Variants in MGAT4D observed in about 807,000 individuals in gnomAD.
MGAT4D encodes the protein alpha-1,3-mannosyl-glycoprotein 4-beta-N-acetylglucosaminyltransferase-like protein MGAT4D.
In MGAT4D, 34 loss-of-function variants were observed where a neutral mutation model predicts 15.9. The ratio of observed to expected loss-of-function variants is 2.14; its 90% CI spans 1.62 to 2.84. MGAT4D has a LOEUF of 2.84. Ranked by LOEUF, MGAT4D falls within the 30% of genes most tolerant of loss-of-function variation. The pLI is 0.00. For missense variants in MGAT4D, 327 were observed against 140.2 expected, an observed-to-expected ratio of 2.33 and a Z score of -6.73; for synonymous variants, 112 against 48.2, an observed-to-expected ratio of 2.33 and a Z score of -5.49.
intron 8 of MGAT4D, chr4:140,458,007 T>C (rs1730918001): frequency 6.6e-6 from 1 of 152,074 alleles, no homozygotes; most frequent in Non-Finnish European, 1.5e-5. Context: ...GAATGGCAAA[T>C]ATATACATAT....
intron 9 of MGAT4D, among the ~76,000 whole-genome samples, chr4:140,455,959 A>G (rs1163576906): frequency 6.6e-6 from 1 of 152,132 alleles, no homozygotes; most frequent in Non-Finnish European, 1.5e-5. Flanking sequence ...CAACATGGCA[A>G]AAACCTGTCT....
At chr4:140,481,820 G>A (rs953520983) in intron 2 of MGAT4D, among the ~76,000 whole-genome samples, 1 of 152,200 alleles carries the variant, frequency 6.6e-6, no homozygotes, top group East Asian at 1.9e-4. Flanking sequence ...GGAGTACAAA[G>A]GGGATGCATA....
intron 1 of MGAT4D, among the ~76,000 whole-genome samples, chr4:140,496,035 G>A (rs1283104066): frequency 6.6e-6 from 1 of 152,108 alleles, no homozygotes; most frequent in African/African-American, 2.4e-5. Flanking sequence ...ACTGCGCCTG[G>A]CAAAATTTAG....
chr4:140,475,807 CTTTTTTTTTTT>C (rs10711919), intron 3 of MGAT4D, among the ~76,000 whole-genome samples: 9 of 105,416 alleles, frequency 8.5e-5, no homozygotes, highest in South Asian at 3.1e-4. Flanking sequence ...TATTGGCTTT[CTTTTTTTTTTT>C]TTTTTTTTTT....
chr4:140,462,995 A>G (rs1441298174), intron 6 of MGAT4D, among the ~76,000 whole-genome samples: 3 of 152,194 alleles, frequency 2.0e-5, no homozygotes, highest in Non-Finnish European at 4.4e-5. Flanking sequence ...GAGATGGCTG[A>G]AAAACTGCGA....
At chr4:140,456,553 C>T (rs867920466) in intron 9 of MGAT4D, 36 bp downstream of exon 9, 1 of 557,118 alleles carries the variant, frequency 1.8e-6, no homozygotes. Flanking sequence ...TAATATTTTT[C>T]CTAAAATATT....
intron 8 of MGAT4D, chr4:140,458,714 G>A (rs1374713522): frequency 1.3e-5 from 2 of 152,068 alleles, no homozygotes; most frequent in Non-Finnish European, 2.9e-5. Context: ...AAAAATGTAA[G>A]GAATAGGAAT....
In MGAT4D at chr4:140,487,578, TA is replaced by T. The variant is rs772471923; in HGVS notation, c.95-5094del. ...ACAATATATCCAAAATGTTTCAACA[TA>T]AAAGTAAACAATGGGCTATTTTACA... is the stretch of plus-strand genomic sequence containing the variant. On this transcript the variant is annotated intron_variant, in intron 1 of 10. Transcript: ENST00000511113. Among the ~76,000 whole-genome samples, 358 of 152,326 alleles carry T rather than the reference TA, an allele frequency of 2.4e-3. 3 individuals carry two copies. Among genetic ancestry groups the T allele is most frequent in the Non-Finnish European group, 1.5e-3 (103 of 68,014 alleles).
intron 5 of MGAT4D, among the ~76,000 whole-genome samples, chr4:140,467,197 T>C (rs1309952444): frequency 6.6e-6 from 1 of 152,012 alleles, no homozygotes; most frequent in East Asian, 1.9e-4. Flanking sequence ...ATGAAAAGAT[T>C]TTTAAAAAAC....
intron 2 of MGAT4D, among the ~76,000 whole-genome samples, chr4:140,481,997 G>A (rs1479932462): frequency 6.6e-6 from 1 of 152,198 alleles, no homozygotes; most frequent in Non-Finnish European, 1.5e-5. Context: ...ATAGAATGGT[G>A]AATCAACCAG....
At chr4:140,466,820 C>T (rs982609872) in intron 5 of MGAT4D, among the ~76,000 whole-genome samples, 2 of 152,004 alleles carry the variant, frequency 1.3e-5, no homozygotes, top group Non-Finnish European at 2.9e-5. Context: ...CACAAACACA[C>T]ATGGAAGAAA....
chr4:140,475,532 T>A (rs560590385), intron 3 of MGAT4D, among the ~76,000 whole-genome samples: 2 of 152,096 alleles, frequency 1.3e-5, no homozygotes, highest in East Asian at 1.9e-4. Context: ...CCTGGCCATA[T>A]GGGCTTAGGC....
At chr4:140,443,920 T>C (rs1729925801) in intron 10 of MGAT4D, among the ~76,000 whole-genome samples, 1 of 152,102 alleles carries the variant, frequency 6.6e-6, no homozygotes, top group Non-Finnish European at 1.5e-5. Flanking sequence ...GCTTTTAATA[T>C]AAGATTATAT....
At position 140,471,794 on chromosome 4, in the gene MGAT4D, C is replaced by A; in HGVS notation, c.553G>T (p.Val185Phe). The A allele has an allele frequency of 4.0e-6, 2 of 496,588 alleles. No individual in the cohort carries two copies. Among genetic ancestry groups the A allele is most frequent in the Non-Finnish European group, 3.7e-6 (1 of 273,912 alleles). The allele number at this position is 496,588 out of a possible 1,614,324, so 30.8% of individuals were successfully genotyped here. ...ACTTACTTTTTTGTAATCATTTTAA[C>A]AACAGAATGTAAATAATCTTCATTA... is the stretch of plus-strand genomic sequence containing the variant. ...DSNEDYLHSV[V>F]KMITKKFKRQ... is the part of the protein sequence containing the mutation. Residue 185 changes from valine to phenylalanine, a missense_variant, in exon 5 of 11, where the codon GTT becomes TTT. Physicochemically the swap from Val to Phe is conservative, Grantham distance 50. Transcript: ENST00000511113.
At chr4:140,487,801 G>A (rs1242756958) in intron 1 of MGAT4D, among the ~76,000 whole-genome samples, 1 of 152,228 alleles carries the variant, frequency 6.6e-6, no homozygotes, top group Admixed American at 6.5e-5. Context: ...AAAAAATGCT[G>A]TTTCTCAGGT....
At chr4:140,470,540 C>T (rs549725179) in intron 5 of MGAT4D, among the ~76,000 whole-genome samples, 1 of 152,202 alleles carries the variant, frequency 6.6e-6, no homozygotes, top group African/African-American at 2.4e-5. Flanking sequence ...GGTGCATAGG[C>T]CCTGCGTGAT....
intron 4 of MGAT4D, among the ~76,000 whole-genome samples, chr4:140,473,325 T>C (rs1035552269): frequency 3.3e-5 from 5 of 152,162 alleles, no homozygotes; most frequent in Non-Finnish European, 7.4e-5. Flanking sequence ...TGGAGATATA[T>C]AGCAAGGTAT....
At chr4:140,458,803 C>A (rs1296825183) in intron 8 of MGAT4D, 4 of 151,748 alleles carry the variant, frequency 2.6e-5, no homozygotes, top group Non-Finnish European at 5.9e-5. Context: ...TTAGAGTGAA[C>A]AATATATTGA....
At chr4:140,455,581 C>A (rs1278976763) in intron 9 of MGAT4D, among the ~76,000 whole-genome samples, 1 of 152,110 alleles carries the variant, frequency 6.6e-6, no homozygotes, top group African/African-American at 2.4e-5. Context: ...ATCCAGTTGG[C>A]AGATGGTGTT....
Sources: gnomAD v4.1 joint callset for allele counts (sites outside exome capture counted in the v4.1 genomes callset) on GRCh38, gnomAD v4.1.1 for gene constraint, MANE v1.5 for transcripts, NCBI Gene and HGNC (gene_info 2026-07-23, HGNC 2026-07-21) for gene names.